XKR9: variants seen among roughly 807,000 people sequenced by gnomAD.
The protein encoded by XKR9 is XK related 9, also known as XK-related protein 9.
In XKR9, 32 loss-of-function variants were observed where a neutral mutation model predicts 32.0. The ratio of observed to expected loss-of-function variants is 1.00; its 90% CI spans 0.76 to 1.34. The LOEUF is 1.34. Among genes scored for constraint, XKR9 ranks in the 40% most tolerant of loss-of-function variants. The pLI, the probability that XKR9 is intolerant of heterozygous loss-of-function variation, is 0.00. For missense variants in XKR9, 546 were observed against 429.7 expected, an observed-to-expected ratio of 1.27 and a Z score of -2.39; for synonymous variants, 168 against 143.4, an observed-to-expected ratio of 1.17 and a Z score of -1.22.
the XKR9 span, among the ~76,000 whole-genome samples, chr8:70,995,951 A>T: frequency 6.6e-6 from 1 of 152,202 alleles, no homozygotes; most frequent in Admixed American, 6.5e-5. Flanking sequence ...CTTTGGAAGT[A>T]TACATCCATG....
chr8:70,687,393 CT>C (rs1461420338), intron 3 of XKR9, among the ~76,000 whole-genome samples: 1 of 106,952 alleles, frequency 9.3e-6, no homozygotes, highest in African/African-American at 3.7e-5. Context: ...TTCTCTTTCT[CT>C]TTCTCTCTCT....
At chr8:70,817,544 C>T in the XKR9 span, among the ~76,000 whole-genome samples, 1 of 152,024 alleles carries the variant, frequency 6.6e-6, no homozygotes. Flanking sequence ...TGAAATGACC[C>T]TGCTACCCAA....
chr8:70,843,656 G>A, the XKR9 span, among the ~76,000 whole-genome samples: 2 of 152,168 alleles, frequency 1.3e-5, no homozygotes, highest in Admixed American at 6.5e-5. Flanking sequence ...CCTAATGTGG[G>A]GAAAGAGTAA....
chr8:70,773,609 A>T (rs995481457), intron 2 of XKR9, among the ~76,000 whole-genome samples: 4 of 152,066 alleles, frequency 2.6e-5, no homozygotes, highest in Non-Finnish European at 5.9e-5. Context: ...TTGGGAAGGA[A>T]ACTGATAGCT....
chr8:71,043,551 C>T, the XKR9 span, among the ~76,000 whole-genome samples: 2 of 152,100 alleles, frequency 1.3e-5, no homozygotes, highest in African/African-American at 2.4e-5. Flanking sequence ...GAACCCTGGA[C>T]ATTTTTTATT....
At chr8:70,863,700 A>T in the XKR9 span, among the ~76,000 whole-genome samples, 4 of 152,216 alleles carry the variant, frequency 2.6e-5, no homozygotes, top group African/African-American at 9.6e-5. Flanking sequence ...CTATCTCAGT[A>T]GTCCTGACAG....
the XKR9 span, among the ~76,000 whole-genome samples, chr8:70,960,997 C>G: frequency 2.6e-5 from 4 of 152,304 alleles, no homozygotes; most frequent in Admixed American, 1.3e-4. Context: ...TGGCGAAACC[C>G]TGTCTCTACC....
chr8:70,993,652 T>TCCTC, the XKR9 span, among the ~76,000 whole-genome samples: 1 of 141,010 alleles, frequency 7.1e-6, no homozygotes, highest in Non-Finnish European at 1.5e-5. Flanking sequence ...CTTCCTTCCT[T>TCCTC]CCTTCCTTCC....
chr8:70,733,877 A>T lies in XKR9; in HGVS notation c.575A>T (p.Asp192Val), dbSNP rs142928544. The T allele has an allele frequency of 1.2e-3, 1,911 of 1,611,282 alleles. 6 individuals are homozygous for T. Among genetic ancestry groups the T allele is most frequent in the Middle Eastern group, 3.6e-3 (22 of 6,046 alleles). Residue 192 changes from aspartate (D) to valine (V), a missense_variant, in exon 5 of 5, where the codon GAC becomes GTC. Coordinates refer to ENST00000408926, the MANE Select transcript of XKR9 (RefSeq NM_001011720.2). ...YQVALRKSLP[D>V]KKLLNGLCPK... ...GTAGCTTTAAGAAAATCCTTGCCTG[A>T]CAAAAAGCTTCTTAATGGATTATGT...
chr8:70,763,708 T>C (rs1235701850), intron 2 of XKR9, among the ~76,000 whole-genome samples: 15 of 152,208 alleles, frequency 9.9e-5, no homozygotes, highest in Admixed American at 9.8e-4. Flanking sequence ...GGGCAGTGAA[T>C]TGTGTCCCTC....
chr8:70,690,639 G>A (rs1027775946), intron 3 of XKR9, among the ~76,000 whole-genome samples: 4 of 151,836 alleles, frequency 2.6e-5, no homozygotes, highest in Non-Finnish European at 4.4e-5. Flanking sequence ...GTGAGCCACC[G>A]TGCCTGGCCA....
At chr8:70,691,092 G>A (rs1476913113) in intron 3 of XKR9, among the ~76,000 whole-genome samples, 2 of 152,012 alleles carry the variant, frequency 1.3e-5, no homozygotes, top group African/African-American at 2.4e-5. Flanking sequence ...TGACTTTTTA[G>A]TAATAGCCAT....
At chr8:70,850,481 A>G in the XKR9 span, among the ~76,000 whole-genome samples, 139 of 140,878 alleles carry the variant, frequency 9.9e-4, no homozygotes, top group Middle Eastern at 3.9e-3. Context: ...AAAAAAAAAA[A>G]AAAGAAAGAA....
At chr8:70,893,106 A>G in the XKR9 span, among the ~76,000 whole-genome samples, 1 of 151,864 alleles carries the variant, frequency 6.6e-6, no homozygotes, top group South Asian at 2.1e-4. Flanking sequence ...TCTTGATCAA[A>G]TCTGGTATTG....
At chr8:70,970,097 G>C in the XKR9 span, among the ~76,000 whole-genome samples, 1 of 152,270 alleles carries the variant, frequency 6.6e-6, no homozygotes, top group South Asian at 2.1e-4. Context: ...TTATGGCTGA[G>C]TAGTACTCTT....
the XKR9 span, among the ~76,000 whole-genome samples, chr8:70,978,163 A>G: frequency 1.3e-5 from 2 of 152,110 alleles, no homozygotes; most frequent in African/African-American, 4.8e-5. Flanking sequence ...AATACGGCAC[A>G]CTGGTGGGTC....
chr8:70,733,916 A>G lies in XKR9; in HGVS notation c.614A>G (p.Tyr205Cys), dbSNP rs1806760498. The G allele has an allele frequency of 6.2e-7, 1 of 1,612,722 alleles. No homozygotes were observed. Residue 205 changes from tyrosine (Y) to cysteine (C), a missense_variant, in exon 5 of 5, where the codon TAT becomes TGT. Physicochemically the swap from Tyr to Cys is radical, Grantham distance 194 (BLOSUM62 -2). Transcript: ENST00000408926. ...AATGGATTATGTCCCAAAATCACAT[A>G]TCTCTTTTACAAGTTGTTTACATTA... is the stretch of plus-strand genomic sequence containing the variant. The part of the protein sequence containing the change: ...LLNGLCPKIT[Y>C]LFYKLFTLLS...
At chr8:71,065,025 G>T in the XKR9 span, among the ~76,000 whole-genome samples, 1 of 152,092 alleles carries the variant, frequency 6.6e-6, no homozygotes, top group African/African-American at 2.4e-5. Context: ...AACCTCAGTT[G>T]TTCAATTTGT....
intron 2 of XKR9, among the ~76,000 whole-genome samples, chr8:70,762,884 A>G (rs553355382): frequency 2.0e-5 from 3 of 152,280 alleles, no homozygotes; most frequent in Non-Finnish European, 2.9e-5. Context: ...TTTGTGTTAC[A>G]AAGCAGAAAT....
Sources: gnomAD v4.1 joint callset for allele counts (sites outside exome capture counted in the v4.1 genomes callset) on GRCh38, gnomAD v4.1.1 for gene constraint, MANE v1.5 for transcripts, NCBI Gene and HGNC (gene_info 2026-07-23, HGNC 2026-07-21) for gene names.